Variants in ARHGEF3 observed in about 807,000 individuals in gnomAD.
The protein encoded by ARHGEF3 is 59.8 kDA protein.
In ARHGEF3, 28 loss-of-function variants were observed where a neutral mutation model predicts 63.2. The ratio of observed to expected loss-of-function variants is 0.44; its 90% CI spans 0.33 to 0.61. The LOEUF is 0.61. Among genes scored for constraint, ARHGEF3 ranks in the 20% least tolerant of loss-of-function variants. The pLI is 0.03. For synonymous variants in ARHGEF3, 266 were observed against 254.2 expected (o/e 1.05, Z -0.44); for missense variants, 533 against 659.3 (o/e 0.81, Z 2.10).
chr3:56,894,539 C>G (rs1488182374), intron 3 of ARHGEF3, among the ~76,000 whole-genome samples: 1 of 152,094 alleles, frequency 6.6e-6, no homozygotes. Flanking sequence ...CCTGTAATCT[C>G]AGCACTTTGG....
intron 2 of ARHGEF3, among the ~76,000 whole-genome samples, chr3:56,987,431 G>A (rs548555626): frequency 3.3e-5 from 5 of 152,288 alleles, no homozygotes; most frequent in African/African-American, 7.2e-5. Flanking sequence ...GCAATGCAAC[G>A]GCTGAGCAGG....
chr3:56,775,545 C>T, intron 1 of ARHGEF3: 3 of 986,618 alleles, frequency 3.0e-6, no homozygotes, highest in Non-Finnish European at 3.6e-6. Context: ...AGAAAACTCT[C>T]AGAACACTAG....
At chr3:56,871,703 A>G (rs1455942332) in intron 4 of ARHGEF3, among the ~76,000 whole-genome samples, 2 of 152,218 alleles carry the variant, frequency 1.3e-5, no homozygotes, top group African/African-American at 2.4e-5. Flanking sequence ...CAAATGTAAT[A>G]TAATAGAAAA....
chr3:57,014,309 G>A (rs1579090705), intron 2 of ARHGEF3, among the ~76,000 whole-genome samples: 1 of 152,178 alleles, frequency 6.6e-6, no homozygotes, highest in Admixed American at 6.5e-5. Flanking sequence ...TGAAGTCAGT[G>A]AGATCAAGAA....
intron 1 of ARHGEF3, among the ~76,000 whole-genome samples, chr3:57,053,192 C>G (rs1015882745): frequency 7.9e-5 from 12 of 152,186 alleles, no homozygotes; most frequent in Non-Finnish European, 1.5e-4. Context: ...AAAGGCCACC[C>G]TCCCTCTCAA....
At chr3:56,743,170 C>T (rs1026463309) in intron 7 of ARHGEF3, among the ~76,000 whole-genome samples, 4 of 152,204 alleles carry the variant, frequency 2.6e-5, no homozygotes, top group Non-Finnish European at 5.9e-5. Context: ...CGACTGCGTC[C>T]CCCATCTGTG....
At chr3:56,993,179 T>C (rs185933152) in intron 2 of ARHGEF3, among the ~76,000 whole-genome samples, 3 of 152,306 alleles carry the variant, frequency 2.0e-5, no homozygotes, top group East Asian at 1.9e-4. Context: ...TAATTTCCAC[T>C]GAAAACATCA....
chr3:56,734,752 C>A (rs942607692), intron 8 of ARHGEF3, among the ~76,000 whole-genome samples: 1 of 152,074 alleles, frequency 6.6e-6, no homozygotes, highest in Non-Finnish European at 1.5e-5. Flanking sequence ...CAAAACCCAA[C>A]CAAATCTTGG....
intron 3 of ARHGEF3, among the ~76,000 whole-genome samples, chr3:56,917,167 T>C (rs1177621775): frequency 1.3e-5 from 2 of 152,194 alleles, no homozygotes; most frequent in Non-Finnish European, 2.9e-5. Context: ...CATAGGAAAC[T>C]ACAAGGTTTC....
Position 56,966,663 on chromosome 3 carries a change from G to A in ARHGEF3, c.63-7774C>T, listed in dbSNP as rs896953841. On this transcript the variant is annotated intron_variant, in intron 2 of 12. Coordinates refer to the ARHGEF3 transcript ENST00000338458. The stretch of plus-strand genomic sequence containing the variant: ...CCTTTTAGAAAGATATCCCTGGCAA[G>A]GGAGGGGAAAAGAGAGTCAGGGGTT... 3.3e-5 allele frequency among the ~76,000 whole-genome samples: 5 copies of A among 151,984 alleles called. No individual in the cohort carries two copies. In the East Asian group the frequency reaches 9.7e-4, roughly 29 times the overall value.
intron 4 of ARHGEF3, among the ~76,000 whole-genome samples, chr3:56,806,954 G>C (rs943197057): frequency 6.6e-6 from 1 of 150,934 alleles, no homozygotes; most frequent in African/African-American, 2.4e-5. Context: ...GTGTGATCTT[G>C]CTCACTGCAA....
intron 2 of ARHGEF3, among the ~76,000 whole-genome samples, chr3:56,992,894 C>T (rs1443006601): frequency 2.6e-5 from 4 of 152,054 alleles, no homozygotes; most frequent in African/African-American, 9.7e-5. Flanking sequence ...AGTGCAGTGG[C>T]GCTATCTCGG....
In ARHGEF3 at chr3:56,727,624, A is replaced by G. The variant is rs573803307; in HGVS notation, c.*1646T>C. On this transcript the variant is annotated 3_prime_UTR_variant, in exon 10 of 10. Transcript: ENST00000296315. Reference sequence around the variant, plus strand: ...ATCATTCATTCTTTTCTTCACCAATAAAGGCTGTTCTTGGCTTTCCTCTGC... The same window carrying G: ...ATCATTCATTCTTTTCTTCACCAATGAAGGCTGTTCTTGGCTTTCCTCTGC... The G allele has an allele frequency of 3.9e-5, 6 of 152,732 alleles. No homozygotes were observed. Among genetic ancestry groups the G allele is most frequent in the African/African-American group, 1.4e-4 (6 of 41,558 alleles). The allele number at this position is 152,732 out of a possible 1,614,324, so 9.5% of individuals were successfully genotyped here. A position where few individuals can be genotyped will look rare whatever the true frequency, so the allele number is the denominator to read the frequency against.
intron 1 of ARHGEF3, among the ~76,000 whole-genome samples, chr3:57,061,634 A>G (rs557402088): frequency 5.7e-4 from 86 of 152,202 alleles, no homozygotes; most frequent in African/African-American, 2.0e-3. Flanking sequence ...CTCTGCTTTC[A>G]TTTCTTTGGG....
At chr3:56,930,662 T>C (rs535468187) in intron 3 of ARHGEF3, among the ~76,000 whole-genome samples, 1 of 152,256 alleles carries the variant, frequency 6.6e-6, no homozygotes, top group Non-Finnish European at 1.5e-5. Context: ...TATTTCTTAA[T>C]ATATTAAAGA....
At chr3:56,983,387 C>G (rs1701405983) in intron 2 of ARHGEF3, among the ~76,000 whole-genome samples, 3 of 152,162 alleles carry the variant, frequency 2.0e-5, no homozygotes, top group Admixed American at 6.5e-5. Context: ...CTGCCCTTCC[C>G]TGGCCACTCA....
At chr3:56,945,077 G>C (rs895995790) in intron 3 of ARHGEF3, among the ~76,000 whole-genome samples, 1 of 152,170 alleles carries the variant, frequency 6.6e-6, no homozygotes, top group South Asian at 2.1e-4. Context: ...TTCATGAAAG[G>C]AAAGAGTCAA....
At chr3:56,754,695 C>G (rs1000901956) in intron 3 of ARHGEF3, among the ~76,000 whole-genome samples, 1 of 152,216 alleles carries the variant, frequency 6.6e-6, no homozygotes, top group Non-Finnish European at 1.5e-5. Flanking sequence ...CAAAATATAA[C>G]TAAAATGATT....
intron 1 of ARHGEF3, among the ~76,000 whole-genome samples, chr3:56,786,607 T>C (rs1181957745): frequency 6.6e-6 from 1 of 152,236 alleles, no homozygotes; most frequent in Non-Finnish European, 1.5e-5. Flanking sequence ...CTCAGTGCTG[T>C]ACATCTGCAA....
Sources: gnomAD v4.1 joint callset for allele counts (sites outside exome capture counted in the v4.1 genomes callset) on GRCh38, gnomAD v4.1.1 for gene constraint, MANE v1.5 for transcripts, NCBI Gene and HGNC (gene_info 2026-07-23, HGNC 2026-07-21) for gene names.